The following RTP2 variants were observed in gnomAD, a reference collection of about 807,000 sequenced individuals.
The protein encoded by RTP2 is receptor-transporting protein 2.
RTP2 carries 12 observed loss-of-function variants against 17.9 expected under a neutral mutation model. That is an observed-to-expected ratio of 0.67 (90% CI 0.43 to 1.09). RTP2 has a LOEUF of 1.09. Ranked by LOEUF, RTP2 falls within the 50% of genes least tolerant of loss-of-function variation. The probability of loss-of-function intolerance (pLI) is 0.00; values close to 1 mark genes in which losing one functional copy is unlikely to be tolerated. For missense variants in RTP2, 327 were observed against 295.7 expected, an observed-to-expected ratio of 1.11 and a Z score of -0.78; for synonymous variants, 126 against 117.7, an observed-to-expected ratio of 1.07 and a Z score of -0.46.
At chr3:187,702,305 G>A in exon 1 of RTP2, 2 of 640,392 alleles carry the variant, frequency 3.1e-6, no homozygotes. Context: ...TGGTAGCCAG[G>A]CAGGGCACCA....
At chr3:187,700,177 AGGCTATG>A (rs764122594) in intron 1 of RTP2, among the ~76,000 whole-genome samples, 50 of 152,332 alleles carry the variant, frequency 3.3e-4, no homozygotes, top group Non-Finnish European at 5.7e-4. Context: ...CACTCAACCC[AGGCTATG>A]GGATAGAGGT....
At position 187,701,993 on chromosome 3, in the gene RTP2, G is replaced by A. The variant is rs943007174; in HGVS notation, c.136C>T (p.Gln46Ter). The stretch of plus-strand genomic sequence containing the variant: ...CCTGAGGCGTGCTGCTCCAGGTACT[G>A]CTTCCAGCCAGGGGCCAGCTCACTG... The change falls in exon 1 of 2, where the codon CAG becomes TAG. Residue 46 changes from glutamine (Q) to a stop codon, truncating the protein, a stop_gained. Coordinates refer to ENST00000358241, the Ensembl canonical transcript of RTP2. LOFTEE classifies it high-confidence loss of function. 1 of 1,610,018 alleles carries A rather than the reference G, an allele frequency of 6.2e-7. No homozygotes were observed. The highest frequency in any genetic ancestry group is 1.1e-5 in the South Asian group (1 of 90,346).
At chr3:187,700,259 G>A (rs1285677631) in intron 1 of RTP2, among the ~76,000 whole-genome samples, 1 of 152,236 alleles carries the variant, frequency 6.6e-6, no homozygotes, top group African/African-American at 2.4e-5. Context: ...TACCCAGAAT[G>A]GCCCAAGGTG....
intron 1 of RTP2, 151 bp from the exon 2 acceptor site, chr3:187,699,162 C>T (rs1717779201): frequency 6.1e-6 from 6 of 987,044 alleles, no homozygotes; most frequent in Non-Finnish European, 8.7e-6. Context: ...ACTCCAAGGC[C>T]GGCCTGCTCT....
At chr3:187,704,730 T>C (rs1198543616), upstream of RTP2, among the ~76,000 whole-genome samples, 2 of 152,258 alleles carry the variant, frequency 1.3e-5, no homozygotes, top group Non-Finnish European at 2.9e-5. Context: ...CTGGGGAGTA[T>C]TTTCAAGAGA....
At chr3:187,705,757 G>A (rs1381393960), upstream of RTP2, among the ~76,000 whole-genome samples, 1 of 152,092 alleles carries the variant, frequency 6.6e-6, no homozygotes, top group Non-Finnish European at 1.5e-5. Context: ...TAACTTCCTT[G>A]GAGACTTTAC....
chr3:187,699,377 T>C (rs1425147723), intron 1 of RTP2, among the ~76,000 whole-genome samples: 2 of 152,112 alleles, frequency 1.3e-5, no homozygotes, highest in Admixed American at 1.3e-4. Flanking sequence ...TGAAATGTAG[T>C]GTGTTGGCGT....
chr3:187,703,051 G>A (rs1345353678), upstream of RTP2, among the ~76,000 whole-genome samples: 2 of 152,140 alleles, frequency 1.3e-5, no homozygotes, highest in Non-Finnish European at 2.9e-5. Context: ...GAGCAAGAGA[G>A]CATCCGTAGC....
exon 2 of RTP2, chr3:187,698,681 C>G (rs751231774): frequency 1.1e-5 from 18 of 1,614,062 alleles, no homozygotes; most frequent in Non-Finnish European, 1.4e-5. Flanking sequence ...CGCTGGGCTT[C>G]CAGTGAACGA....
exon 2 of RTP2, chr3:187,698,720 T>C: frequency 1.2e-6 from 2 of 1,614,096 alleles, no homozygotes; most frequent in Non-Finnish European, 1.7e-6. Context: ...CACAGAACTC[T>C]GCACGATGCG....
At chr3:187,713,253 C>A in the RTP2 span, among the ~76,000 whole-genome samples, 1 of 152,184 alleles carries the variant, frequency 6.6e-6, no homozygotes, top group African/African-American at 2.4e-5. Flanking sequence ...TGTCTACTCC[C>A]AGAATTTACA....
exon 2 of RTP2, chr3:187,698,470 T>C: frequency 6.4e-7 from 1 of 1,568,112 alleles, no homozygotes; most frequent in Non-Finnish European, 8.7e-7. Context: ...CAAGCCCATG[T>C]GCCCTCTCCC....
upstream of RTP2, among the ~76,000 whole-genome samples, chr3:187,706,193 A>G (rs1011945885): frequency 6.6e-6 from 1 of 152,242 alleles, no homozygotes; most frequent in African/African-American, 2.4e-5. Flanking sequence ...GGTAGGTTTT[A>G]TAGTAAAACA....
chr3:187,704,659 C>A (rs1255873970), upstream of RTP2, among the ~76,000 whole-genome samples: 1 of 152,234 alleles, frequency 6.6e-6, no homozygotes, highest in Non-Finnish European at 1.5e-5. Flanking sequence ...GTCCTATCTT[C>A]TCCTGTGTCT....
At chr3:187,698,886 T>C (rs762825927) in exon 2 of RTP2, 67 of 1,612,118 alleles carry the variant, frequency 4.2e-5, no homozygotes, top group Non-Finnish European at 5.3e-5. Flanking sequence ...GCCGCACTCA[T>C]AGCACAGCTG....
intron 1 of RTP2, among the ~76,000 whole-genome samples, chr3:187,699,837 C>G (rs1464393997): frequency 6.6e-6 from 1 of 151,744 alleles, no homozygotes; most frequent in Admixed American, 6.6e-5. Flanking sequence ...GTAACCTGGG[C>G]TTTCTAGAGT....
intron 1 of RTP2, 27 bp downstream of exon 1, chr3:187,701,938 A>G: frequency 6.5e-7 from 1 of 1,543,996 alleles, no homozygotes; most frequent in Non-Finnish European, 8.8e-7. Flanking sequence ...GGCTGTCTGC[A>G]AGGTCCCTCC....
In RTP2 at chr3:187,698,896, G is replaced by A. The variant is rs1246392059; in HGVS notation, c.280C>T (p.Gln94Ter). 2 of 1,611,726 alleles carry A rather than the reference G, an allele frequency of 1.2e-6. No individual in the cohort carries two copies. Among genetic ancestry groups the A allele is most frequent in the Admixed American group, 1.7e-5 (1 of 59,958 alleles). The change falls in exon 2 of 2, where the codon CAG becomes TAG. Residue 94 changes from glutamine to a stop codon, truncating the protein, a stop_gained. Coordinates refer to ENST00000358241, the Ensembl canonical transcript of RTP2. LOFTEE classifies it high-confidence loss of function. Reference sequence around the variant, plus strand: ...GCCGTGCCGCACTCATAGCACAGCTGCTTGAAGACGCGCATGCGCACCGAG... The same window carrying A: ...GCCGTGCCGCACTCATAGCACAGCTACTTGAAGACGCGCATGCGCACCGAG...
chr3:187,699,282 C>T (rs1259645786), intron 1 of RTP2, among the ~76,000 whole-genome samples: 2 of 152,164 alleles, frequency 1.3e-5, no homozygotes, highest in East Asian at 1.9e-4. Flanking sequence ...GCGGTCTCAG[C>T]TGCCCCCCAG....
Sources: gnomAD v4.1 joint callset for allele counts (sites outside exome capture counted in the v4.1 genomes callset) on GRCh38, gnomAD v4.1.1 for gene constraint, MANE v1.5 for transcripts, NCBI Gene and HGNC (gene_info 2026-07-23, HGNC 2026-07-21) for gene names.